ARNT: variants seen among roughly 807,000 people sequenced by gnomAD.
The protein encoded by ARNT is class E basic helix-loop-helix protein 2.
Under a neutral mutation model 105.0 loss-of-function variants are expected in ARNT, and 30 were observed. The observed-to-expected ratio is 0.29, with a 90% CI of 0.21 to 0.39. The LOEUF is 0.39. Among genes scored for constraint, ARNT ranks in the 10% least tolerant of loss-of-function variants. The pLI is 1.00. For synonymous variants in ARNT, 304 were observed against 344.0 expected (o/e 0.88, Z 1.29); for missense variants, 748 against 978.7 (o/e 0.76, Z 3.15).
At chr1:150,831,949 G>T (rs755027491) in intron 9 of ARNT, 46 bp from the exon 10 acceptor site, 2 of 1,263,944 alleles carry the variant, frequency 1.6e-6, no homozygotes, top group Admixed American at 4.6e-5. Context: ...AAATCTACCC[G>T]TAAAACTCAA....
Position 150,817,976 on chromosome 1 carries a change from T to C in ARNT, c.1449A>G (p.Gln483=), listed in dbSNP as rs949175215. The C allele has an allele frequency of 1.9e-6, 3 of 1,613,774 alleles. No homozygotes were observed. The highest frequency in any genetic ancestry group is 2.5e-6 in the Non-Finnish European group (3 of 1,179,948). The change falls in exon 15 of 22, where the codon CAA becomes CAG. Residue 483 remains glutamine (Q), a synonymous_variant. Transcript: ENST00000358595. The part of the protein sequence containing the change: ...PTLSNTIQRP[Q]LGPTANLPLE... The stretch of plus-strand genomic sequence containing the variant: ...GGGGTAAATTAGCTGTGGGACCTAG[T>C]TGTGGCCTCTGGATTGTGTTGGAGA...
chr1:150,840,620 C>G (rs910914941), intron 5 of ARNT, among the ~76,000 whole-genome samples: 2 of 152,182 alleles, frequency 1.3e-5, no homozygotes, highest in Non-Finnish European at 2.9e-5. Flanking sequence ...ACTTAAGATA[C>G]ACCATCTACT....
At chr1:150,816,999 G>C in intron 17 of ARNT, 83 bp downstream of exon 17, 1 of 1,605,408 alleles carries the variant, frequency 6.2e-7, no homozygotes, top group Non-Finnish European at 8.5e-7. Context: ...AAAAACACTG[G>C]AAGATTACTG....
In ARNT at chr1:150,818,036, A is replaced by G; in HGVS notation, c.1395-6T>C. The G allele has an allele frequency of 6.3e-7, 1 of 1,594,754 alleles. No individual in the cohort carries two copies. Among genetic ancestry groups the G allele is most frequent in the Non-Finnish European group, 8.6e-7 (1 of 1,166,478 alleles). ...GTGGTTCTTGGCTAGAGTTCCTAGG[A>G]AACCAGAGTAGACAGTAAAGAGGGG... On this transcript the variant is annotated splice_region_variant and splice_polypyrimidine_tract_variant and intron_variant, in intron 14 of 21. Coordinates refer to ENST00000358595, the MANE Select transcript of ARNT (RefSeq NM_001668.4).
chr1:150,858,429 T>C lies in ARNT; in HGVS notation c.57A>G (p.Pro19=), dbSNP rs1406392858. The C allele has an allele frequency of 1.9e-6, 3 of 1,609,220 alleles. No individual in the cohort carries two copies. Among genetic ancestry groups the C allele is most frequent in the Middle Eastern group, 1.7e-4 (1 of 6,060 alleles). ...GTCCAGAGTTTCCAGAGGCAATGGC[T>C]GGACCCAGTGATGGTACATCTGATG... is the stretch of plus-strand genomic sequence containing the variant. ...EMTSDVPSLG[P]AIASGNSGPG... The change falls in exon 2 of 22, where the codon CCA becomes CCG. Residue 19 remains proline, a synonymous_variant. Coordinates refer to ENST00000358595, the MANE Select transcript of ARNT (RefSeq NM_001668.4).
chr1:150,867,144 C>A (rs937148997), intron 1 of ARNT, among the ~76,000 whole-genome samples: 1 of 151,976 alleles, frequency 6.6e-6, no homozygotes, highest in Non-Finnish European at 1.5e-5. Flanking sequence ...GCGGAGGCTG[C>A]GGTGAGCCAA....
At chr1:150,868,197 G>A (rs1301453146) in intron 1 of ARNT, among the ~76,000 whole-genome samples, 1 of 151,940 alleles carries the variant, frequency 6.6e-6, no homozygotes, top group Non-Finnish European at 1.5e-5. Context: ...GTGTACACTT[G>A]TAATCCCAGC....
chr1:150,830,086 C>T (rs587708842), intron 10 of ARNT, 106 bp from the exon 11 acceptor site: 1 of 1,262,254 alleles, frequency 7.9e-7, no homozygotes, highest in African/African-American at 1.5e-5. Context: ...GGGCCAGGCA[C>T]CGTGGCTGAC....
intron 1 of ARNT, among the ~76,000 whole-genome samples, chr1:150,862,854 C>A (rs1665890243): frequency 6.6e-6 from 1 of 151,710 alleles, no homozygotes; most frequent in Non-Finnish European, 1.5e-5. Context: ...AGTTCGAGAC[C>A]AGCCTGGCCA....
Position 150,846,748 on chromosome 1 carries a change from T to C in ARNT, c.183-441A>G, listed in dbSNP as rs10305676. Among the ~76,000 whole-genome samples, 656 of 152,280 alleles carry C rather than the reference T, an allele frequency of 4.3e-3. 3 individuals carry two copies. Among genetic ancestry groups the C allele is most frequent in the African/African-American group, 0.015 (631 of 41,560 alleles). On this transcript the variant is annotated intron_variant, in intron 3 of 21. Coordinates refer to ENST00000358595, the MANE Select transcript of ARNT (RefSeq NM_001668.4). ...TTCATCTTGCAAAACTGAAACTCTA[T>C]ACTCATCAAACACCATTTTCTCATT... is the stretch of plus-strand genomic sequence containing the variant.
chr1:150,813,426 C>T (rs1655154208), intron 20 of ARNT, 88 bp from the exon 21 acceptor site: 1 of 1,358,966 alleles, frequency 7.4e-7, no homozygotes, highest in African/African-American at 1.5e-5. Flanking sequence ...TATAGGTAAG[C>T]CATTAATTTT....
At chr1:150,814,623 C>T (rs1411223120) in intron 19 of ARNT, among the ~76,000 whole-genome samples, 1 of 152,164 alleles carries the variant, frequency 6.6e-6, no homozygotes, top group Non-Finnish European at 1.5e-5. Context: ...AGGCAGACCA[C>T]CTGAGGTGAG....
chr1:150,875,321 T>C lies in ARNT; in HGVS notation c.25+1222A>G, dbSNP rs1668088230. Among the ~76,000 whole-genome samples, 3 of 152,160 alleles carry C rather than the reference T, an allele frequency of 2.0e-5. No homozygotes were observed. In the South Asian group the frequency reaches 6.2e-4, roughly 31 times the overall value. ...CAAATTAACCATTTCTTAAAATAGC[T>C]ATTCCCAGAAACACGGTAGAAAAGA... On this transcript the variant is annotated intron_variant, in intron 1 of 21. Transcript: ENST00000358595.
At chr1:150,824,536 C>CCTCGCCTCCAGGGTTCAAGTGATT (rs1657794482) in intron 13 of ARNT, among the ~76,000 whole-genome samples, 1 of 151,064 alleles carries the variant, frequency 6.6e-6, no homozygotes, top group East Asian at 2.0e-4. Context: ...CTCACTGCAA[C>CCTCGCCTCCAGGGTTCAAGTGATT]CTCGCCTCCA....
intron 5 of ARNT, among the ~76,000 whole-genome samples, chr1:150,840,611 C>T (rs755385525): frequency 6.6e-6 from 1 of 152,198 alleles, no homozygotes; most frequent in East Asian, 1.9e-4. Context: ...TCTTACAAGA[C>T]TTAAGATACA....
chr1:150,853,271 G>A, intron 2 of ARNT: 1 of 379,276 alleles, frequency 2.6e-6, no homozygotes, highest in Non-Finnish European at 5.2e-6. Flanking sequence ...ACAACTGCAA[G>A]ACTCCATCTC....
In ARNT at chr1:150,813,227, T is replaced by A; in HGVS notation, c.2225A>T (p.Glu742Val). 6.2e-7 allele frequency: 1 copy of A among 1,613,760 alleles called. No homozygotes were observed. The highest frequency in any genetic ancestry group is 8.5e-7 in the Non-Finnish European group (1 of 1,179,872). Residue 742 changes from glutamate (E) to valine (V), a missense_variant, in exon 21 of 22, where the codon GAG becomes GTG. Glu to Val is a moderately radical substitution (Grantham distance 121, BLOSUM62 -2). Around this residue, in one of 4 missense-constraint regions of ARNT, gnomAD observed 360 missense variants for 411.9 expected, o/e 0.87. Coordinates refer to ENST00000358595, the MANE Select transcript of ARNT (RefSeq NM_001668.4). Reference sequence around the variant, plus strand: ...TGCTGGCGGTTGTTGAACATGTTGCTCACTAGAACTTGAACGATGATGAGG... The same window carrying A: ...TGCTGGCGGTTGTTGAACATGTTGCACACTAGAACTTGAACGATGATGAGG... ...QQPHHRSSSSEQHVQQPPAQQ... is the reference protein window; with the variant it reads ...QQPHHRSSSSVQHVQQPPAQQ...
At chr1:150,851,109 T>G (rs1432600648) in intron 3 of ARNT, among the ~76,000 whole-genome samples, 58 of 146,358 alleles carry the variant, frequency 4.0e-4, no homozygotes, top group Non-Finnish European at 7.9e-4. Flanking sequence ...GTCCGGGAAG[T>G]GAGGAGCATC....
chr1:150,850,395 C>T (rs1441585542), intron 3 of ARNT, among the ~76,000 whole-genome samples: 1 of 152,232 alleles, frequency 6.6e-6, no homozygotes, highest in Non-Finnish European at 1.5e-5. Flanking sequence ...GATTCTCCTG[C>T]CTCAGCCTGC....
Sources: allele counts gnomAD v4.1 joint callset (sites outside exome capture counted in the v4.1 genomes callset), GRCh38; gene constraint gnomAD v4.1.1; regional missense constraint gnomAD v4.1.1; transcripts MANE v1.5; gene names NCBI Gene and HGNC (gene_info 2026-07-23, HGNC 2026-07-21).